FTO: variants seen among roughly 807,000 people sequenced by gnomAD.
FTO encodes the protein FTO alpha-ketoglutarate dependent dioxygenase.
In FTO, 47 loss-of-function variants were observed where a neutral mutation model predicts 63.9. That is an observed-to-expected ratio of 0.74 (90% CI 0.58 to 0.94). The LOEUF (loss-of-function observed/expected upper bound fraction) is 0.94. FTO is among the 40% of genes least tolerant of loss of function. The probability of loss-of-function intolerance (pLI) is 0.00; values close to 1 mark genes in which losing one functional copy is unlikely to be tolerated. For synonymous variants in FTO, 207 were observed against 224.4 expected (o/e 0.92, Z 0.69); for missense variants, 562 against 618.1 (o/e 0.91, Z 0.96).
chr16:53,865,086 C>G (rs1019793845), intron 4 of FTO, among the ~76,000 whole-genome samples: 3 of 152,064 alleles, frequency 2.0e-5, no homozygotes, highest in Non-Finnish European at 4.4e-5. Flanking sequence ...TGATTTTTCC[C>G]CTAATTATGA....
intron 1 of FTO, among the ~76,000 whole-genome samples, chr16:53,788,627 G>A (rs1217411330): frequency 1.4e-5 from 2 of 145,244 alleles, no homozygotes; most frequent in African/African-American, 5.1e-5. Context: ...AAAAAAAATT[G>A]ACCTTTTTCA....
At chr16:53,777,416 G>A (rs2077486709) in intron 1 of FTO, among the ~76,000 whole-genome samples, 1 of 152,064 alleles carries the variant, frequency 6.6e-6, no homozygotes, top group Admixed American at 6.6e-5. Context: ...ATTTTCTTTA[G>A]ACAAGTGATA....
chr16:53,990,811 G>T (rs1261892847), intron 8 of FTO, among the ~76,000 whole-genome samples: 3 of 151,864 alleles, frequency 2.0e-5, no homozygotes, highest in Admixed American at 6.6e-5. Flanking sequence ...GACATTTCAG[G>T]TGCCCGCCAC....
In FTO at chr16:53,811,819, T is replaced by C. The variant is rs75028758; in HGVS notation, c.123+1602T>C. On this transcript the variant is annotated intron_variant, in intron 2 of 8. Coordinates refer to ENST00000471389, the MANE Select transcript of FTO (RefSeq NM_001080432.3). ...CTTCTCTTTATCTGTCTCTTCTTTT[T>C]TTTTATTTTTTGACAGAGGATCTCA... Among the ~76,000 whole-genome samples the C allele has an allele frequency of 3.5e-3, 526 of 152,276 alleles. 1 individual carries two copies. The highest frequency in any genetic ancestry group is 0.012 in the African/African-American group (501 of 41,546).
chr16:54,052,179 G>A (rs1383927078), intron 8 of FTO, among the ~76,000 whole-genome samples: 1 of 152,172 alleles, frequency 6.6e-6, no homozygotes, highest in Non-Finnish European at 1.5e-5. Context: ...TGACAGAGAC[G>A]CCAGTGCATT....
At chr16:53,704,266 G>A (rs1349790717) in intron 1 of FTO, 37 bp downstream of exon 1, 2 of 1,547,706 alleles carry the variant, frequency 1.3e-6, no homozygotes, top group African/African-American at 1.4e-5. Context: ...ATCTTCGTGC[G>A]CTGTGAGCAA....
intron 8 of FTO, among the ~76,000 whole-genome samples, chr16:54,101,656 T>G (rs2086645788): frequency 6.6e-6 from 1 of 152,204 alleles, no homozygotes; most frequent in African/African-American, 2.4e-5. Context: ...GCAGAATGAT[T>G]TATATTCCTC....
intron 1 of FTO, among the ~76,000 whole-genome samples, chr16:53,715,057 T>G (rs12447481): frequency 0.06 from 9,063 of 152,266 alleles, 477 homozygotes; most frequent in East Asian, 0.31. Flanking sequence ...AAAATTACTT[T>G]TTATAACTGA....
intron 1 of FTO, among the ~76,000 whole-genome samples, chr16:53,717,941 A>G (rs2075935457): frequency 6.6e-6 from 1 of 152,078 alleles, no homozygotes; most frequent in Admixed American, 6.6e-5. Context: ...GGCCCCTATA[A>G]TTAGTCTTTA....
chr16:53,783,876 T>G (rs554723378), intron 1 of FTO, among the ~76,000 whole-genome samples: 3 of 152,310 alleles, frequency 2.0e-5, no homozygotes. Context: ...GCCTGATTTC[T>G]GATGACATTT....
chr16:53,835,113 A>G (rs940225827), intron 3 of FTO, among the ~76,000 whole-genome samples: 1 of 152,292 alleles, frequency 6.6e-6, no homozygotes, highest in East Asian at 1.9e-4. Flanking sequence ...ATCCCTTGCT[A>G]TCTACCACAT....
At chr16:53,931,307 T>A (rs2082277429) in intron 7 of FTO, among the ~76,000 whole-genome samples, 1 of 149,276 alleles carries the variant, frequency 6.7e-6, no homozygotes, top group African/African-American at 2.5e-5. Flanking sequence ...ACTTTTTTTT[T>A]TTTTTTTTTT....
At chr16:54,069,571 T>A (rs762843236) in intron 8 of FTO, among the ~76,000 whole-genome samples, 11 of 152,232 alleles carry the variant, frequency 7.2e-5, no homozygotes, top group Non-Finnish European at 1.2e-4. Context: ...AGGTTATTTA[T>A]ATTTTTTCTC....
chr16:53,984,148 A>C (rs2083610238), intron 8 of FTO, among the ~76,000 whole-genome samples: 1 of 152,020 alleles, frequency 6.6e-6, no homozygotes, highest in Admixed American at 6.6e-5. Flanking sequence ...AGCTTGTCTC[A>C]TTTATATCAT....
chr16:54,093,865 G>A (rs2086453103), intron 8 of FTO, among the ~76,000 whole-genome samples: 2 of 152,258 alleles, frequency 1.3e-5, no homozygotes, highest in East Asian at 3.9e-4. Flanking sequence ...GTTGGAAAAA[G>A]CCTTCTTCCC....
chr16:53,833,756 T>C (rs1391965721), intron 3 of FTO, among the ~76,000 whole-genome samples: 1 of 152,238 alleles, frequency 6.6e-6, no homozygotes, highest in Non-Finnish European at 1.5e-5. Flanking sequence ...TTCCTGTTTT[T>C]TGATAACAGC....
chr16:53,815,633 C>CTTTTTT (rs2078653863), intron 2 of FTO, among the ~76,000 whole-genome samples: 7 of 80,140 alleles, frequency 8.7e-5, no homozygotes, highest in African/African-American at 1.9e-4. Context: ...CATTGACTTT[C>CTTTTTT]TTGTTTTTTT....
intron 4 of FTO, among the ~76,000 whole-genome samples, chr16:53,853,079 G>T (rs2079861217): frequency 6.6e-6 from 1 of 152,184 alleles, no homozygotes; most frequent in African/African-American, 2.4e-5. Context: ...GATCACCTGA[G>T]GTTGGGAGTT....
chr16:53,892,138 G>A (rs544303325), intron 7 of FTO, among the ~76,000 whole-genome samples: 84 of 152,080 alleles, frequency 5.5e-4, no homozygotes, highest in African/African-American at 2.0e-3. Flanking sequence ...ATGAATCTAC[G>A]GTTCTGTGGT....
Sources: gnomAD v4.1 joint callset for allele counts (sites outside exome capture counted in the v4.1 genomes callset) on GRCh38, gnomAD v4.1.1 for gene constraint, MANE v1.5 for transcripts, NCBI Gene and HGNC (gene_info 2026-07-23, HGNC 2026-07-21) for gene names.